Variants in TRPM3 observed in about 807,000 individuals in gnomAD.
TRPM3 encodes the protein long transient receptor potential channel 3.
In TRPM3, 77 loss-of-function variants were observed where a neutral mutation model predicts 181.2. The ratio of observed to expected loss-of-function variants is 0.42; its 90% CI spans 0.35 to 0.51. TRPM3 has a LOEUF of 0.51. Ranked by LOEUF, TRPM3 falls within the 20% of genes least tolerant of loss-of-function variation. The pLI is 0.01. For missense variants in TRPM3, 1,759 were observed against 2,196.7 expected (o/e 0.80, Z 3.98); for synonymous variants, 745 against 796.4 (o/e 0.94, Z 1.09).
intron 1 of TRPM3, among the ~76,000 whole-genome samples, chr9:71,081,469 C>T (rs375111867): frequency 1.1e-4 from 16 of 152,178 alleles, no homozygotes; most frequent in Admixed American, 7.2e-4. Flanking sequence ...GTGCCCAGCA[C>T]GTAAAAGTGC....
chr9:70,958,951 C>T (rs980112490), intron 1 of TRPM3, among the ~76,000 whole-genome samples: 1 of 144,356 alleles, frequency 6.9e-6, no homozygotes, highest in Non-Finnish European at 1.5e-5. Context: ...GGGAATTGAA[C>T]AATGAGAACA....
intron 1 of TRPM3, among the ~76,000 whole-genome samples, chr9:71,005,501 G>A (rs1028735964): frequency 6.6e-6 from 1 of 151,510 alleles, no homozygotes; most frequent in Non-Finnish European, 1.5e-5. Flanking sequence ...AGCAAAAATC[G>A]AAGCAAAGAA....
chr9:70,535,890 CTG>C lies in TRPM3; in HGVS notation c.*61_*62del. 2.0e-6 allele frequency: 3 copies of C among 1,524,690 alleles called. No individual in the cohort carries two copies. Among genetic ancestry groups the C allele is most frequent in the Non-Finnish European group, 2.6e-6 (3 of 1,139,394 alleles). 94.4% of individuals were successfully genotyped at this position (1,524,690 alleles called of 1,614,324 possible). A position where few individuals can be genotyped will look rare whatever the true frequency, so the allele number is the denominator to read the frequency against. The stretch of plus-strand genomic sequence containing the variant: ...GTATGATTCAAGGAAAGGGGAAAAA[CTG>C]GAGTTGGAGAGAATTTTAGGGCTGG... On this transcript the variant is annotated 3_prime_UTR_variant, in exon 26 of 26. Coordinates refer to ENST00000677713, the MANE Select transcript of TRPM3 (RefSeq NM_001366145.2).
Position 70,598,413 on chromosome 9 carries a change from G to A in TRPM3, c.3048+6C>T. On this transcript the variant is annotated splice_donor_region_variant and intron_variant, in intron 21 of 25. Transcript: ENST00000677713. ...TTATAACATGGAATCAGAAGACCCT[G>A]CTTACCATTTTTCCAATCATCATTA... 1 of 1,611,946 alleles carries A rather than the reference G, an allele frequency of 6.2e-7. No homozygotes were observed. Among genetic ancestry groups the A allele is most frequent in the Non-Finnish European group, 8.5e-7 (1 of 1,178,130 alleles).
chr9:71,082,958 T>C (rs1326509221), intron 1 of TRPM3, among the ~76,000 whole-genome samples: 2 of 152,220 alleles, frequency 1.3e-5, no homozygotes, highest in East Asian at 3.9e-4. Context: ...AAAAAGTCTT[T>C]ACATAGAGAT....
chr9:71,070,620 C>T (rs2062632240), intron 1 of TRPM3, among the ~76,000 whole-genome samples: 1 of 152,116 alleles, frequency 6.6e-6, no homozygotes, highest in African/African-American at 2.4e-5. Flanking sequence ...AACTGATACC[C>T]ATGCAAATAA....
At chr9:70,828,040 A>ATAT in intron 5 of TRPM3, 22 bp from the exon 6 acceptor site, 2 of 1,596,866 alleles carry the variant, frequency 1.3e-6, no homozygotes, top group Non-Finnish European at 1.7e-6. Flanking sequence ...CAAATGGAAG[A>ATAT]GGCAGAAGTC....
intron 1 of TRPM3, among the ~76,000 whole-genome samples, chr9:71,389,408 A>G (rs541656120): frequency 2.0e-5 from 3 of 152,270 alleles, no homozygotes; most frequent in South Asian, 2.1e-4. Flanking sequence ...TACAGCCACT[A>G]TGGAAAACAG....
intron 1 of TRPM3, among the ~76,000 whole-genome samples, chr9:70,925,768 C>A (rs954807458): frequency 2.0e-5 from 3 of 151,894 alleles, no homozygotes; most frequent in Non-Finnish European, 4.4e-5. Context: ...TTTCAGCCAG[C>A]GCGGGAGAGA....
chr9:71,369,605 G>A (rs1190018267), intron 1 of TRPM3, among the ~76,000 whole-genome samples: 2 of 152,152 alleles, frequency 1.3e-5, no homozygotes, highest in African/African-American at 4.8e-5. Context: ...CCAGGTTCAA[G>A]CGATTCTCCT....
At chr9:71,084,382 C>T (rs544348589) in intron 1 of TRPM3, among the ~76,000 whole-genome samples, 137 of 151,998 alleles carry the variant, frequency 9.0e-4, no homozygotes, top group Non-Finnish European at 1.8e-3. Flanking sequence ...TCTGTGACAC[C>T]TACTTCTTGG....
chr9:71,291,012 G>T (rs551857589), intron 1 of TRPM3, among the ~76,000 whole-genome samples: 1 of 152,182 alleles, frequency 6.6e-6, no homozygotes, highest in East Asian at 1.9e-4. Context: ...GATGATATTT[G>T]ATTCAAAAAG....
At chr9:70,537,506 C>A in intron 25 of TRPM3, 101 bp from the exon 26 acceptor site, 1 of 1,080,566 alleles carries the variant, frequency 9.3e-7, no homozygotes. Flanking sequence ...GACCTTGGTA[C>A]CTTCAATGGA....
At chr9:71,035,088 C>T (rs2058031512) in intron 1 of TRPM3, among the ~76,000 whole-genome samples, 1 of 152,050 alleles carries the variant, frequency 6.6e-6, no homozygotes, top group Non-Finnish European at 1.5e-5. Context: ...TTTAGCAGGC[C>T]AACTCTTTTG....
At chr9:71,386,650 A>G (rs2092930674) in intron 1 of TRPM3, among the ~76,000 whole-genome samples, 1 of 152,156 alleles carries the variant, frequency 6.6e-6, no homozygotes, top group African/African-American at 2.4e-5. Flanking sequence ...CTGCAATGGT[A>G]ATCCCTAAAT....
At chr9:70,761,452 G>A (rs766446414) in intron 8 of TRPM3, 149 bp downstream of exon 8, 2 of 980,206 alleles carry the variant, frequency 2.0e-6, no homozygotes, top group East Asian at 2.6e-5. Context: ...TTACTTAGGA[G>A]AGGAAGCTAC....
chr9:71,321,187 A>G (rs1444698418), intron 1 of TRPM3, among the ~76,000 whole-genome samples: 3 of 152,190 alleles, frequency 2.0e-5, no homozygotes, highest in African/African-American at 4.8e-5. Flanking sequence ...CCTACTCCTC[A>G]GAATATCTGA....
chr9:70,625,201 C>A lies in TRPM3; in HGVS notation c.1799G>T (p.Gly600Val), dbSNP rs372230941. 1.9e-6 allele frequency: 3 copies of A among 1,613,858 alleles called. No homozygotes were observed. Among genetic ancestry groups the A allele is most frequent in the Non-Finnish European group, 2.5e-6 (3 of 1,179,982 alleles). ...RFRTLYHNLFGPKRPKALKLL... is the reference protein window; with the variant it reads ...RFRTLYHNLFVPKRPKALKLL... ...TGCAGCCAGCCTCACCCTCTTGGGG[C>A]CGAAGAGGTTGTGGTAGAGGGTCCG... The change falls in exon 14 of 26, where the codon GGC becomes GTC. Residue 600 changes from glycine (G) to valine (V), a missense_variant. This residue lies in a region of TRPM3 where 737 missense variants were observed against 957.4 expected (regional missense o/e 0.77). Transcript: ENST00000677713. The surrounding 1 kb of genome is among the most constrained non-coding windows in gnomAD (Gnocchi z 4.8).
chr9:70,929,642 C>G (rs1276167307), intron 1 of TRPM3, among the ~76,000 whole-genome samples: 1 of 152,108 alleles, frequency 6.6e-6, no homozygotes, highest in South Asian at 2.1e-4. Context: ...CCTAGTTGAG[C>G]CTGGCTGACA....
Sources: gnomAD v4.1 joint callset for allele counts (sites outside exome capture counted in the v4.1 genomes callset) on GRCh38, gnomAD v4.1.1 for gene constraint, gnomAD v4.1.1 regional missense constraint, Gnocchi (gnomAD v3.1) non-coding constraint, MANE v1.5 for transcripts, NCBI Gene and HGNC (gene_info 2026-07-23, HGNC 2026-07-21) for gene names.